Variants in FBXW11 observed in about 807,000 individuals in gnomAD.
FBXW11 encodes the protein F-box/WD repeat-containing protein 11.
A neutral mutation model predicts 77.6 loss-of-function variants in FBXW11; 19 were observed. The ratio of observed to expected loss-of-function variants is 0.24; its 90% CI spans 0.17 to 0.36. The LOEUF (loss-of-function observed/expected upper bound fraction) is 0.36, where lower values mean the gene tolerates loss of function less well. Ranked by LOEUF, FBXW11 falls within the 10% of genes least tolerant of loss-of-function variation. The pLI is 1.00. For missense variants in FBXW11, 334 were observed against 704.2 expected (o/e 0.47, Z 5.95); for synonymous variants, 235 against 249.4 (o/e 0.94, Z 0.54).
At chr5:171,906,194 G>C (rs1389324330) in intron 4 of FBXW11, among the ~76,000 whole-genome samples, 2 of 152,170 alleles carry the variant, frequency 1.3e-5, no homozygotes, top group African/African-American at 4.8e-5. Context: ...TCAAAGAGCA[G>C]CTGCAAAGAA....
chr5:171,974,909 C>T (rs1054064947), intron 1 of FBXW11, among the ~76,000 whole-genome samples: 1 of 152,200 alleles, frequency 6.6e-6, no homozygotes, highest in Non-Finnish European at 1.5e-5. Flanking sequence ...ATTCTCCTGC[C>T]TCAACCTTCC....
rs1235484131 is a variant in FBXW11, at chr5:171,863,303, CAG to C, written c.*822_*823del. 6.5e-6 allele frequency: 1 copy of C among 152,736 alleles called. No homozygotes were observed. Among genetic ancestry groups the C allele is most frequent in the Non-Finnish European group, 1.5e-5 (1 of 68,058 alleles). 9.5% of individuals were successfully genotyped at this position (152,736 alleles called of 1,614,324 possible). A position where few individuals can be genotyped will look rare whatever the true frequency, so the allele number is the denominator to read the frequency against. On this transcript the variant is annotated 3_prime_UTR_variant, in exon 14 of 14. Coordinates refer to ENST00000517395, the MANE Select transcript of FBXW11 (RefSeq NM_001378974.1). ...ACACTCTGTATTAGTGTCTCAAGCA[CAG>C]GGGGCCCTGACTCCAGCAACTTTGA...
At chr5:171,889,045 G>C (rs1395310338) in intron 7 of FBXW11, among the ~76,000 whole-genome samples, 1 of 152,128 alleles carries the variant, frequency 6.6e-6, no homozygotes, top group Non-Finnish European at 1.5e-5. Flanking sequence ...TGTGATTAGA[G>C]TCTCAGAAGG....
rs893114982 is a variant in FBXW11, at chr5:171,904,646, A to C, written c.437-4546T>G. Among the ~76,000 whole-genome samples, 2 of 152,028 alleles carry C rather than the reference A, an allele frequency of 1.3e-5. No homozygotes were observed. The highest frequency in any genetic ancestry group is 4.8e-5 in the African/African-American group (2 of 41,370). On this transcript the variant is annotated intron_variant, in intron 4 of 13. Coordinates refer to ENST00000517395, the MANE Select transcript of FBXW11 (RefSeq NM_001378974.1). This position sits in a 1 kb window ranked among gnomAD's most constrained non-coding sequence, Gnocchi z 4.0. ...GAGTGCAGTGGTGGGATCTCAGCTC[A>C]CTGCAACCTCCACCTCCTGGGTTCA...
chr5:171,881,953 C>T (rs1758539821), intron 7 of FBXW11, among the ~76,000 whole-genome samples: 1 of 151,888 alleles, frequency 6.6e-6, no homozygotes, highest in African/African-American at 2.4e-5. Context: ...AATCTGAGTG[C>T]TTTTTTTTCT....
chr5:172,006,608 C>G lies in FBXW11; in HGVS notation c.-106G>C. On this transcript the variant is annotated 5_prime_UTR_variant, in exon 1 of 14. Coordinates refer to ENST00000517395, the MANE Select transcript of FBXW11 (RefSeq NM_001378974.1). ...GAGGCGGAGGCGGCTATCGCACCCACTCTAGCTGCCAGCCCGCCCGGGCCG... is the reference window on the plus strand; with the variant it reads ...GAGGCGGAGGCGGCTATCGCACCCAGTCTAGCTGCCAGCCCGCCCGGGCCG... 1 of 1,323,070 alleles carries G rather than the reference C, an allele frequency of 7.6e-7. No individual in the cohort carries two copies. The highest frequency in any genetic ancestry group is 9.7e-7 in the Non-Finnish European group (1 of 1,035,318). The allele number at this position is 1,323,070 out of a possible 1,614,324, so 82.0% of individuals were successfully genotyped here.
chr5:171,989,435 T>C (rs1202554522), intron 1 of FBXW11, among the ~76,000 whole-genome samples: 5 of 152,274 alleles, frequency 3.3e-5, no homozygotes, highest in African/African-American at 1.2e-4. Context: ...CCTCCTGATA[T>C]GACTCAATGT....
At position 171,944,063 on chromosome 5, in the gene FBXW11, T is replaced by A. The variant is rs915105701; in HGVS notation, c.147+13534A>T. ...GATTAGCTTTTTGGATAATTAAGAATAAAGACTCTAAGCACCCAAAGAAAT... is the reference window on the plus strand; with the variant it reads ...GATTAGCTTTTTGGATAATTAAGAAAAAAGACTCTAAGCACCCAAAGAAAT... On this transcript the variant is annotated intron_variant, in intron 2 of 13. Coordinates refer to ENST00000517395, the MANE Select transcript of FBXW11 (RefSeq NM_001378974.1). Among the ~76,000 whole-genome samples the A allele has an allele frequency of 2.6e-5, 4 of 152,130 alleles. No individual in the cohort carries two copies. In the South Asian group the frequency reaches 8.3e-4, roughly 32 times the overall value.
intron 1 of FBXW11, among the ~76,000 whole-genome samples, chr5:171,967,262 A>C (rs982220478): frequency 6.6e-6 from 1 of 152,262 alleles, no homozygotes; most frequent in African/African-American, 2.4e-5. Flanking sequence ...AGAAATGTCC[A>C]AAAATATAGC....
chr5:171,901,291 T>C (rs942889727), intron 4 of FBXW11, among the ~76,000 whole-genome samples: 1 of 152,234 alleles, frequency 6.6e-6, no homozygotes, highest in African/African-American at 2.4e-5. Context: ...AGTAGTATAA[T>C]AGCACTAAAC....
rs555624089 is a variant in FBXW11, at chr5:171,904,561, G to A, written c.437-4461C>T. 3.3e-5 allele frequency among the ~76,000 whole-genome samples: 5 copies of A among 152,054 alleles called. No homozygotes were observed. The East Asian group carries it at 7.7e-4, about 24-fold the overall frequency. ...GACGGTAAGGCCCAGGAATCTGGGT[G>A]TGGTTTTTTTGTTGTTGTTGTTGTT... On this transcript the variant is annotated intron_variant, in intron 4 of 13. Transcript: ENST00000517395. This position sits in a 1 kb window ranked among gnomAD's most constrained non-coding sequence, Gnocchi z 4.0.
chr5:171,927,845 T>C (rs1481256265), intron 2 of FBXW11, among the ~76,000 whole-genome samples: 1 of 152,234 alleles, frequency 6.6e-6, no homozygotes, highest in Non-Finnish European at 1.5e-5. Context: ...TAGAAATCCA[T>C]GAGATCCAAA....
rs542737595 is a variant in FBXW11 at position 171,881,869 on chromosome 5, A to T, written c.853-3740T>A. On this transcript the variant is annotated intron_variant, in intron 7 of 13. Coordinates refer to ENST00000517395, the MANE Select transcript of FBXW11 (RefSeq NM_001378974.1). ...TATCAAATTTGTAAACAGGGAGTTGATCATATTATTTTATTATTCATTTAA... is the reference window on the plus strand; with the variant it reads ...TATCAAATTTGTAAACAGGGAGTTGTTCATATTATTTTATTATTCATTTAA... Among the ~76,000 whole-genome samples the T allele has an allele frequency of 3.8e-4, 58 of 152,326 alleles. 3 individuals carry two copies. The South Asian group carries it at 0.011, about 28-fold the overall frequency.
intron 10 of FBXW11, among the ~76,000 whole-genome samples, chr5:171,871,662 ATAGC>A (rs1276925011): frequency 6.6e-6 from 1 of 152,248 alleles, no homozygotes; most frequent in African/African-American, 2.4e-5. Flanking sequence ...GAAAAAAATC[ATAGC>A]TAGTTAGCAT....
intron 2 of FBXW11, 68 bp downstream of exon 2, chr5:171,957,529 C>T: frequency 7.5e-7 from 1 of 1,326,792 alleles, no homozygotes; most frequent in South Asian, 1.2e-5. Context: ...AAACACACTA[C>T]TGCAAGTTTC....
At chr5:171,932,163 C>T (rs531817120) in intron 2 of FBXW11, among the ~76,000 whole-genome samples, 34 of 152,144 alleles carry the variant, frequency 2.2e-4, no homozygotes, top group Admixed American at 1.6e-3. Flanking sequence ...GTGTGAGCCA[C>T]CATGCCTGGC....
chr5:172,002,413 A>AAT (rs1766460531), intron 1 of FBXW11, among the ~76,000 whole-genome samples: 1 of 131,888 alleles, frequency 7.6e-6, no homozygotes, highest in African/African-American at 3.6e-5. Flanking sequence ...ATTTTATATA[A>AAT]ATGTGTGTGT....
chr5:171,971,446 AC>A lies in FBXW11; in HGVS notation c.46-13749del, dbSNP rs1764526451. Among the ~76,000 whole-genome samples the A allele has an allele frequency of 3.3e-5, 5 of 152,124 alleles. No homozygotes were observed. The South Asian group carries it at 1.0e-3, about 32-fold the overall frequency. ...TTTTCCATGCGTTGTATGTAACTTT[AC>A]CCCTGACTTCATCTTTTTGTCCTAT... On this transcript the variant is annotated intron_variant, in intron 1 of 13. Coordinates refer to ENST00000517395, the MANE Select transcript of FBXW11 (RefSeq NM_001378974.1).
intron 3 of FBXW11, among the ~76,000 whole-genome samples, 200 bp from the exon 4 acceptor site, chr5:171,910,997 A>G (rs1426203203): frequency 1.3e-5 from 2 of 152,064 alleles, no homozygotes; most frequent in Non-Finnish European, 2.9e-5. Flanking sequence ...CACTACAGGA[A>G]ATGCCAAAAT....
Sources: gnomAD v4.1 joint callset for allele counts (sites outside exome capture counted in the v4.1 genomes callset) on GRCh38, gnomAD v4.1.1 for gene constraint, Gnocchi (gnomAD v3.1) non-coding constraint, MANE v1.5 for transcripts, NCBI Gene and HGNC (gene_info 2026-07-23, HGNC 2026-07-21) for gene names.